Variants in INTU observed in about 807,000 individuals in gnomAD.
INTU encodes protein inturned.
In INTU, 68 loss-of-function variants were observed where a neutral mutation model predicts 100.5. The observed-to-expected ratio is 0.68, with a 90% CI of 0.56 to 0.83. The LOEUF is 0.83. INTU is among the 40% of genes least tolerant of loss of function. INTU has a pLI of 0.00. For synonymous variants in INTU, 357 were observed against 395.7 expected, an observed-to-expected ratio of 0.90 and a Z score of 1.16; for missense variants, 1,071 against 1,114.7, an observed-to-expected ratio of 0.96 and a Z score of 0.56.
chr4:127,670,230 A>G (rs1237339750), intron 5 of INTU, among the ~76,000 whole-genome samples: 1 of 151,806 alleles, frequency 6.6e-6, no homozygotes, highest in Non-Finnish European at 1.5e-5. Context: ...TTTACAAGGA[A>G]ATTTTATCTC....
At chr4:127,636,017 C>G (rs1443523404) in intron 1 of INTU, among the ~76,000 whole-genome samples, 1 of 152,104 alleles carries the variant, frequency 6.6e-6, no homozygotes, top group Non-Finnish European at 1.5e-5. Context: ...ACCTGTAATC[C>G]TGCTTTTGGG....
chr4:127,666,436 T>C (rs1411875307), intron 4 of INTU, among the ~76,000 whole-genome samples: 1 of 152,196 alleles, frequency 6.6e-6, no homozygotes, highest in Non-Finnish European at 1.5e-5. Context: ...TTACTTCTTC[T>C]GCTTTTGCCA....
At chr4:127,702,158 T>TA (rs1194441631) in intron 9 of INTU, among the ~76,000 whole-genome samples, 1 of 151,888 alleles carries the variant, frequency 6.6e-6, no homozygotes, top group Non-Finnish European at 1.5e-5. Flanking sequence ...TTTCTATGGT[T>TA]AAAAAATAAT....
At chr4:127,710,339 AC>A (rs1731048079) in intron 13 of INTU, among the ~76,000 whole-genome samples, 7 of 152,062 alleles carry the variant, frequency 4.6e-5, no homozygotes, top group African/African-American at 1.7e-4. Context: ...TTTGTAAAAT[AC>A]AATATATATA....
At chr4:127,679,653 A>G (rs1234244954) in intron 6 of INTU, among the ~76,000 whole-genome samples, 1 of 152,092 alleles carries the variant, frequency 6.6e-6, no homozygotes, top group Non-Finnish European at 1.5e-5. Flanking sequence ...AGAAAGCAGG[A>G]AAGATCCAAA....
chr4:127,671,857 C>T (rs1439931761), intron 5 of INTU, among the ~76,000 whole-genome samples: 4 of 151,864 alleles, frequency 2.6e-5, no homozygotes, highest in Non-Finnish European at 4.4e-5. Context: ...TTTGCAGCAA[C>T]GTAGATAGAA....
At position 127,714,305 on chromosome 4, in the gene INTU, TAC is replaced by T. The variant is rs72288437; in HGVS notation, c.2717+215_2717+216del. On this transcript the variant is annotated intron_variant, in intron 15 of 15. Coordinates refer to ENST00000335251, the MANE Select transcript of INTU (RefSeq NM_015693.4). ...ATCTTACAAAATTAAATTTCAGTAA[TAC>T]ACTGAAAGAATAATTCCAGTTTTTC... is the stretch of plus-strand genomic sequence containing the variant. 0.041 allele frequency among the ~76,000 whole-genome samples: 6,245 copies of T among 152,188 alleles called. 400 individuals carry two copies. Among genetic ancestry groups the T allele is most frequent in the African/African-American group, 0.14 (5,906 of 41,466 alleles).
Position 127,643,842 on chromosome 4 carries a change from G to A in INTU, c.468G>A (p.Gln156=), listed in dbSNP as rs1439892483. Residue 156 remains glutamine (Q), a synonymous_variant, in exon 2 of 16, where the codon CAG becomes CAA. Transcript: ENST00000335251. The stretch of plus-strand genomic sequence containing the variant: ...AGAAGACAGGAGTCATTGTCCAACA[G>A]CGATACAAAGATGTGAATGTTTATG... ...SNQKTGVIVQ[Q]RYKDVNVYVN... 6.2e-7 allele frequency: 1 copy of A among 1,614,030 alleles called. No individual in the cohort carries two copies. The highest frequency in any genetic ancestry group is 1.7e-5 in the Admixed American group (1 of 59,968).
intron 8 of INTU, among the ~76,000 whole-genome samples, chr4:127,695,985 T>C (rs1730365142): frequency 6.6e-6 from 1 of 152,182 alleles, no homozygotes; most frequent in African/African-American, 2.4e-5. Flanking sequence ...ATCTGATGGA[T>C]TACATTAACT....
chr4:127,670,548 A>G (rs1291230068), intron 5 of INTU, among the ~76,000 whole-genome samples: 2 of 151,976 alleles, frequency 1.3e-5, no homozygotes, highest in African/African-American at 2.4e-5. Flanking sequence ...TTTTTTAAAA[A>G]TCTTTATTGA....
At chr4:127,673,999 AAAG>A (rs1729056274) in intron 5 of INTU, 122 bp from the exon 6 acceptor site, 2 of 501,346 alleles carry the variant, frequency 4.0e-6, no homozygotes, top group Non-Finnish European at 6.6e-6. Flanking sequence ...AGGAATATGA[AAAG>A]AAATCACTTA....
At chr4:127,645,327 C>T (rs902207576) in intron 2 of INTU, among the ~76,000 whole-genome samples, 30 of 152,056 alleles carry the variant, frequency 2.0e-4, no homozygotes, top group African/African-American at 6.8e-4. Context: ...AGAACCCAGT[C>T]ACCATTGTGT....
At chr4:127,644,666 G>A (rs1371916734) in intron 2 of INTU, among the ~76,000 whole-genome samples, 2 of 152,104 alleles carry the variant, frequency 1.3e-5, no homozygotes, top group Admixed American at 6.6e-5. Flanking sequence ...ATTTTGTGTT[G>A]CTGATAAATT....
chr4:127,660,738 AAAG>A (rs780979332), intron 3 of INTU, among the ~76,000 whole-genome samples: 1 of 152,214 alleles, frequency 6.6e-6, no homozygotes, highest in Non-Finnish European at 1.5e-5. Flanking sequence ...CAAACCGCAC[AAAG>A]AAGAGGGACA....
chr4:127,656,746 T>TTA (rs1292399111), intron 3 of INTU, 25 bp downstream of exon 3: 1 of 1,410,296 alleles, frequency 7.1e-7, no homozygotes, highest in East Asian at 2.3e-5. Flanking sequence ...TTTCTATATT[T>TTA]TATGATGTTA....
At chr4:127,636,290 T>G (rs1727066444) in intron 1 of INTU, among the ~76,000 whole-genome samples, 1 of 151,864 alleles carries the variant, frequency 6.6e-6, no homozygotes, top group Non-Finnish European at 1.5e-5. Flanking sequence ...TTCTTTTTTT[T>G]GGTACAGTGA....
intron 5 of INTU, among the ~76,000 whole-genome samples, chr4:127,670,372 A>G (rs1039841893): frequency 6.6e-6 from 1 of 151,938 alleles, no homozygotes; most frequent in Non-Finnish European, 1.5e-5. Flanking sequence ...ACAAGGCAAT[A>G]GACAGAAGAA....
At chr4:127,640,592 CATAT>C (rs10549007) in intron 1 of INTU, among the ~76,000 whole-genome samples, 35,156 of 71,744 alleles carry the variant, frequency 0.49, 8,686 homozygotes, top group Middle Eastern at 0.7. Context: ...TATATATATA[CATAT>C]ACATAAACAC....
chr4:127,639,755 T>A (rs1578522428), intron 1 of INTU, among the ~76,000 whole-genome samples: 1 of 152,302 alleles, frequency 6.6e-6, no homozygotes, highest in East Asian at 1.9e-4. Context: ...ATGTTTATCA[T>A]TTCTTTGTGA....
Sources: gnomAD v4.1 joint callset for allele counts (sites outside exome capture counted in the v4.1 genomes callset) on GRCh38, gnomAD v4.1.1 for gene constraint, MANE v1.5 for transcripts, NCBI Gene and HGNC (gene_info 2026-07-23, HGNC 2026-07-21) for gene names.